GRM6: variants seen among roughly 807,000 people sequenced by gnomAD.
GRM6 encodes the protein glutamate metabotropic receptor 6, also known as metabotropic glutamate receptor 6.
In GRM6, 73 loss-of-function variants were observed where a neutral mutation model predicts 78.4. The ratio of observed to expected loss-of-function variants is 0.93; its 90% CI spans 0.77 to 1.13. The LOEUF (loss-of-function observed/expected upper bound fraction) is 1.13, where lower values mean the gene tolerates loss of function less well. GRM6 is among the 50% of genes most tolerant of loss of function. The pLI, the probability that GRM6 is intolerant of heterozygous loss-of-function variation, is 0.00. For missense variants in GRM6, 1,251 were observed against 1,256.4 expected, an observed-to-expected ratio of 1.00 and a Z score of 0.07; for synonymous variants, 580 against 555.0, an observed-to-expected ratio of 1.05 and a Z score of -0.63.
chr5:178,991,128 C>T lies in GRM6; in HGVS notation c.857+296G>A, dbSNP rs532341155. Reference sequence around the variant, plus strand: ...TCTGTATGGACCCTGGGCTCCTTCCCTCACAGCTCATTTTCTGCACTAGGT... The same window carrying T: ...TCTGTATGGACCCTGGGCTCCTTCCTTCACAGCTCATTTTCTGCACTAGGT... On this transcript the variant is annotated intron_variant, in intron 4 of 10. Coordinates refer to ENST00000517717, the MANE Select transcript of GRM6 (RefSeq NM_000843.4). The surrounding 1 kb of genome is among the most constrained non-coding windows in gnomAD (Gnocchi z 5.0). 5.9e-5 allele frequency among the ~76,000 whole-genome samples: 9 copies of T among 152,248 alleles called. No homozygotes were observed. Among genetic ancestry groups the T allele is most frequent in the Non-Finnish European group, 1.3e-4 (9 of 68,014 alleles).
intron 7 of GRM6, chr5:178,987,314 A>G (rs199521237): frequency 2.0e-6 from 1 of 510,528 alleles, no homozygotes; most frequent in Non-Finnish European, 3.8e-6. Flanking sequence ...TCCCGGGTAG[A>G]TACTCGAGAG....
intron 4 of GRM6, among the ~76,000 whole-genome samples, chr5:178,990,986 G>C (rs772347521): frequency 2.6e-5 from 4 of 152,076 alleles, no homozygotes; most frequent in Admixed American, 6.5e-5. Context: ...GGGACTCCTT[G>C]GGGGAAAATC....
Position 178,989,371 on chromosome 5 carries a change from C to T in GRM6, c.1047G>A (p.Glu349=), listed in dbSNP as rs750751034. Residue 349 remains glutamate (E), a synonymous_variant, in exon 6 of 11, where the codon GAG becomes GAA. Coordinates refer to ENST00000517717, the MANE Select transcript of GRM6 (RefSeq NM_000843.4). ...FDQYFMTRSL[E]NNRRNIWFAE... ...CGAACCAGATGTTCCTGCGGTTGTTCTCCAGGGATCGAGTCATGAAGTACT... is the reference window on the plus strand; with the variant it reads ...CGAACCAGATGTTCCTGCGGTTGTTTTCCAGGGATCGAGTCATGAAGTACT... 6.2e-6 allele frequency: 10 copies of T among 1,613,960 alleles called. No homozygotes were observed. Among genetic ancestry groups the T allele is most frequent in the Non-Finnish European group, 6.8e-6 (8 of 1,179,968 alleles).
At position 178,981,802 on chromosome 5, in the gene GRM6, A is replaced by G. The variant is rs751758654; in HGVS notation, c.2489T>C (p.Val830Ala). 5.0e-6 allele frequency: 8 copies of G among 1,612,540 alleles called. No individual in the cohort carries two copies. The highest frequency in any genetic ancestry group is 1.7e-5 in the Admixed American group (1 of 60,016). The change falls in exon 11 of 11, where the codon GTG becomes GCG. Residue 830 changes from valine (V) to alanine (A), a missense_variant. Transcript: ENST00000517717. The surrounding 1 kb of genome is among the most constrained non-coding windows in gnomAD (Gnocchi z 5.1). Reference sequence around the variant, plus strand: ...GGGTACGTAGAGCATGCCGAGGGACACCGAGGCACTCAGGCTCAAGGACAC... The same window carrying G: ...GGGTACGTAGAGCATGCCGAGGGACGCCGAGGCACTCAGGCTCAAGGACAC... ...LTVSLSLSAS[V>A]SLGMLYVPKT...
intron 2 of GRM6, among the ~76,000 whole-genome samples, chr5:178,993,050 G>A (rs1760709938): frequency 6.6e-6 from 1 of 152,166 alleles, no homozygotes; most frequent in Non-Finnish European, 1.5e-5. Context: ...CATGCCCCCT[G>A]GACCTCCTGA....
intron 9 of GRM6, among the ~76,000 whole-genome samples, chr5:178,983,989 A>G (rs1368558681): frequency 6.6e-6 from 1 of 152,236 alleles, no homozygotes; most frequent in Non-Finnish European, 1.5e-5. Context: ...GAGCAGGGCC[A>G]TGTGATCCTG....
intron 9 of GRM6, chr5:178,985,717 A>C (rs770374627): frequency 3.3e-5 from 14 of 419,748 alleles, no homozygotes; most frequent in Middle Eastern, 3.7e-4. Flanking sequence ...AAAAAAAACA[A>C]AACAACACAG....
chr5:178,984,837 C>CG (rs1203635914), intron 9 of GRM6, among the ~76,000 whole-genome samples: 2 of 152,096 alleles, frequency 1.3e-5, no homozygotes, highest in African/African-American at 2.4e-5. Context: ...GTGCTCCAAA[C>CG]GGGTGAGCAG....
chr5:178,990,593 G>A lies in GRM6; in HGVS notation c.1011C>T (p.Asp337=), dbSNP rs760213093. 6 of 1,612,328 alleles carry A rather than the reference G, an allele frequency of 3.7e-6. No individual in the cohort carries two copies. The highest frequency in any genetic ancestry group is 1.7e-5 in the Admixed American group (1 of 60,022). The change falls in exon 5 of 11, where the codon GAC becomes GAT. Residue 337 remains aspartate (D), a splice_region_variant and synonymous_variant. Coordinates refer to ENST00000517717, the MANE Select transcript of GRM6 (RefSeq NM_000843.4). ...GGGATGGAGTGCCCCTGGACTCACC[G>A]TCGATGGAGGCCCTTTTGGGCAGGA... ...ITILPKRASI[D]GFDQYFMTRS...
chr5:178,989,215 T>TGG, intron 6 of GRM6, 50 bp downstream of exon 6: 1 of 886,718 alleles, frequency 1.1e-6, no homozygotes, highest in Non-Finnish European at 1.6e-6. Context: ...CTCCCCACCC[T>TGG]CACCACCCTC....
At position 178,985,909 on chromosome 5, in the gene GRM6, G is replaced by A. The variant is rs149700350; in HGVS notation, c.2124+221C>T. The A allele has an allele frequency of 0.015, 8,959 of 581,040 alleles. 315 individuals are homozygous for A. The highest frequency in any genetic ancestry group is 0.1 in the African/African-American group (5,342 of 53,534). 36.0% of individuals were successfully genotyped at this position (581,040 alleles called of 1,614,324 possible). The stretch of plus-strand genomic sequence containing the variant: ...CCCAAGTAGCTAGGACTACAGGCAC[G>A]CACCACCATGCCTGGCTAATTTTCA... On this transcript the variant is annotated intron_variant, in intron 9 of 10. Coordinates refer to ENST00000517717, the MANE Select transcript of GRM6 (RefSeq NM_000843.4).
At position 178,978,913 on chromosome 5, in the gene GRM6, A is replaced by G. The variant is rs1760336519; in HGVS notation, c.*2744T>C. 6.6e-6 allele frequency: 1 copy of G among 152,182 alleles called. No individual in the cohort carries two copies. Among genetic ancestry groups the G allele is most frequent in the Non-Finnish European group, 1.5e-5 (1 of 68,046 alleles). 9.4% of individuals were successfully genotyped at this position (152,182 alleles called of 1,614,324 possible). A position where few individuals can be genotyped will look rare whatever the true frequency, so the allele number is the denominator to read the frequency against. ...TTCAAACCCATGCATGCAAAAAAACAGGAAAATCTTTAGGGAGCTGTCAAC... is the reference window on the plus strand; with the variant it reads ...TTCAAACCCATGCATGCAAAAAAACGGGAAAATCTTTAGGGAGCTGTCAAC... On this transcript the variant is annotated 3_prime_UTR_variant, in exon 11 of 11. Coordinates refer to ENST00000517717, the MANE Select transcript of GRM6 (RefSeq NM_000843.4).
Position 178,992,579 on chromosome 5 carries a change from A to G in GRM6, c.505-496T>C. 3.4e-6 allele frequency: 1 copy of G among 296,090 alleles called. No individual in the cohort carries two copies. The highest frequency in any genetic ancestry group is 2.2e-5 in the African/African-American group (1 of 46,066). 18.3% of individuals were successfully genotyped at this position (296,090 alleles called of 1,614,324 possible). On this transcript the variant is annotated intron_variant, in intron 2 of 10. Coordinates refer to ENST00000517717, the MANE Select transcript of GRM6 (RefSeq NM_000843.4). This position sits in a 1 kb window ranked among gnomAD's most constrained non-coding sequence, Gnocchi z 4.9. ...CATTTAAAGCTGTGTCTGGCCTAGG[A>G]TGGGGATTGTTGGAAACTGGGTTTC...
chr5:178,982,576 C>CAAAAAA lies in GRM6; in HGVS notation c.2436+328_2436+333dup, dbSNP rs70997654. Among the ~76,000 whole-genome samples, 3 of 20,168 alleles carry CAAAAAA rather than the reference C, an allele frequency of 1.5e-4. 1 individual carries two copies. Among genetic ancestry groups the CAAAAAA allele is most frequent in the Non-Finnish European group, 2.3e-4 (3 of 12,950 alleles). The allele number at this position is 20,168 out of a possible 152,430, so 13.2% of individuals were successfully genotyped here. A position where few individuals can be genotyped will look rare whatever the true frequency, so the allele number is the denominator to read the frequency against. On this transcript the variant is annotated intron_variant, in intron 10 of 10. Coordinates refer to ENST00000517717, the MANE Select transcript of GRM6 (RefSeq NM_000843.4). ...TGGGCAACAGAGTGAGACTCTGTCT[C>CAAAAAA]AAAAAAAAAAAAAAAAAAAAAAAAA...
chr5:178,989,518 G>A, intron 5 of GRM6, 113 bp from the exon 6 acceptor site: 1 of 1,339,866 alleles, frequency 7.5e-7, no homozygotes, highest in Non-Finnish European at 1.1e-6. Context: ...TGAGCTAGGA[G>A]TGGCCAGGTG....
intron 9 of GRM6, among the ~76,000 whole-genome samples, chr5:178,984,575 G>T (rs1487513166): frequency 1.3e-5 from 2 of 152,134 alleles, no homozygotes; most frequent in Non-Finnish European, 2.9e-5. Flanking sequence ...GAGAGCTGGG[G>T]GTCCCCAACG....
At position 178,981,552 on chromosome 5, in the gene GRM6, C is replaced by G; in HGVS notation, c.*105G>C. Reference sequence around the variant, plus strand: ...CGCGGAGCATGGTCTTGGCAAACTCCCTGCCACTGACTGTTCACCGTGGAC... The same window carrying G: ...CGCGGAGCATGGTCTTGGCAAACTCGCTGCCACTGACTGTTCACCGTGGAC... On this transcript the variant is annotated 3_prime_UTR_variant, in exon 11 of 11. Transcript: ENST00000517717. This position sits in a 1 kb window ranked among gnomAD's most constrained non-coding sequence, Gnocchi z 5.1. 1.1e-6 allele frequency: 1 copy of G among 885,854 alleles called. No homozygotes were observed. Among genetic ancestry groups the G allele is most frequent in the Non-Finnish European group, 1.8e-6 (1 of 556,336 alleles). 54.9% of individuals were successfully genotyped at this position (885,854 alleles called of 1,614,324 possible).
intron 2 of GRM6, among the ~76,000 whole-genome samples, chr5:178,993,059 G>C (rs989130991): frequency 6.6e-6 from 1 of 152,194 alleles, no homozygotes; most frequent in African/African-American, 2.4e-5. Context: ...TGGACCTCCT[G>C]AGGGAAGTTA....
chr5:178,985,718 A>AAAAAAAC, intron 9 of GRM6: 3 of 420,972 alleles, frequency 7.1e-6, no homozygotes, highest in Admixed American at 3.0e-5. Context: ...AAAAAAACAA[A>AAAAAAAC]ACAACACAGG....
Sources: gnomAD v4.1 joint callset for allele counts (sites outside exome capture counted in the v4.1 genomes callset) on GRCh38, gnomAD v4.1.1 for gene constraint, Gnocchi (gnomAD v3.1) non-coding constraint, MANE v1.5 for transcripts, NCBI Gene and HGNC (gene_info 2026-07-23, HGNC 2026-07-21) for gene names.